The following PCDH11Y variants were observed in gnomAD, a reference collection of about 807,000 sequenced individuals.
PCDH11Y encodes protocadherin-11 Y-linked.
For missense variants in PCDH11Y, 12 were observed against 224.8 expected, an observed-to-expected ratio of 0.05 and a Z score of 6.05; for synonymous variants, 9 against 83.6, an observed-to-expected ratio of 0.11 and a Z score of 4.87.
chrY:5,449,884 G>A (rs397833246), intron 2 of PCDH11Y, among the ~76,000 whole-genome samples: 1 of 33,664 alleles, frequency 3.0e-5, no homozygotes, highest in African/African-American at 1.1e-4. Context: ...ATACTACAAT[G>A]AGGTCATTAA....
chrY:5,537,433 T>C (rs2053401714), intron 3 of PCDH11Y, among the ~76,000 whole-genome samples: 1 of 32,037 alleles, frequency 3.1e-5, no homozygotes, highest in Non-Finnish European at 7.6e-5. Flanking sequence ...TTTAAAGGCT[T>C]TCCTATGATG....
intron 1 of PCDH11Y, among the ~76,000 whole-genome samples, chrY:5,070,020 T>C (rs2052697196): frequency 3.0e-5 from 1 of 33,432 alleles, no homozygotes; most frequent in African/African-American, 1.2e-4. Context: ...GCTGTTTTTC[T>C]CCATTCATCA....
intron 4 of PCDH11Y, among the ~76,000 whole-genome samples, chrY:5,677,025 G>GA (rs2053554226): frequency 6.4e-5 from 2 of 31,467 alleles, no homozygotes; most frequent in Non-Finnish European, 1.5e-4. Flanking sequence ...ACAGTGACAT[G>GA]AAAAAAAAAC....
At chrY:5,489,741 T>C in intron 2 of PCDH11Y, among the ~76,000 whole-genome samples, 1 of 33,335 alleles carries the variant, frequency 3.0e-5, no homozygotes, top group African/African-American at 1.2e-4. Context: ...TTTAGAAAGA[T>C]ATTTTTGTGT....
chrY:5,623,529 T>C, intron 4 of PCDH11Y, among the ~76,000 whole-genome samples: 1 of 31,320 alleles, frequency 3.2e-5, no homozygotes, highest in Non-Finnish European at 7.7e-5. Context: ...TACTTGTAAG[T>C]GAGAACATGT....
In PCDH11Y at chrY:5,142,296, A is replaced by T. The variant is rs2052852407; in HGVS notation, c.3129+41589A>T. 2.4e-4 allele frequency among the ~76,000 whole-genome samples: 8 copies of T among 32,872 alleles called. No individual in the cohort carries two copies. In the South Asian group the frequency reaches 4.1e-3, roughly 17 times the overall value. 88.2% of individuals were successfully genotyped at this position (32,872 alleles called of 37,273 possible). On this transcript the variant is annotated intron_variant, in intron 2 of 4. Coordinates refer to the PCDH11Y transcript ENST00000400457. ...TTATGGGTTTGTGTGTGCAGTTTTTAAAAAAAATTTATGAGCACATGATAA... is the reference window on the plus strand; with the variant it reads ...TTATGGGTTTGTGTGTGCAGTTTTTTAAAAAAATTTATGAGCACATGATAA...
At chrY:5,612,605 A>G in intron 4 of PCDH11Y, among the ~76,000 whole-genome samples, 1 of 32,690 alleles carries the variant, frequency 3.1e-5, no homozygotes, top group Non-Finnish European at 7.5e-5. Context: ...TTCTCTGACT[A>G]CAATAAAGTA....
Position 5,321,343 on chromosome Y carries a change from A to G in PCDH11Y, c.3130-179714A>G, listed in dbSNP as rs2053112484. 3.0e-4 allele frequency among the ~76,000 whole-genome samples: 10 copies of G among 32,974 alleles called. No homozygotes were observed. The South Asian group carries it at 6.9e-3, about 23-fold the overall frequency. 88.5% of individuals were successfully genotyped at this position (32,974 alleles called of 37,273 possible). ...CACCCCCATGATTCAAATATCTCCC[A>G]CTGGATCACTCCCACAACATGTGGG... is the stretch of plus-strand genomic sequence containing the variant. On this transcript the variant is annotated intron_variant, in intron 2 of 4. Coordinates refer to the PCDH11Y transcript ENST00000400457.
intron 2 of PCDH11Y, among the ~76,000 whole-genome samples, chrY:5,402,166 G>A: frequency 3.1e-5 from 1 of 32,431 alleles, no homozygotes; most frequent in Non-Finnish European, 7.5e-5. Flanking sequence ...ACGAGATCTG[G>A]TTGTCTGAAA....
intron 2 of PCDH11Y, among the ~76,000 whole-genome samples, chrY:5,482,240 G>A (rs2053327721): frequency 1.6e-4 from 5 of 31,593 alleles, no homozygotes; most frequent in Admixed American, 1.1e-3. Context: ...CTCGTGATCC[G>A]CCCGCCTCAG....
At chrY:5,179,081 T>A (rs2052897079) in intron 2 of PCDH11Y, among the ~76,000 whole-genome samples, 1 of 33,202 alleles carries the variant, frequency 3.0e-5, no homozygotes, top group Non-Finnish European at 7.4e-5. Context: ...AGTGCTGCAA[T>A]GAACAGAGGC....
At chrY:5,358,486 A>G in intron 2 of PCDH11Y, among the ~76,000 whole-genome samples, 2 of 32,668 alleles carry the variant, frequency 6.1e-5, no homozygotes, top group Non-Finnish European at 1.5e-4. Context: ...TGGTAGGGGT[A>G]CCGCTTGGTT....
intron 1 of PCDH11Y, among the ~76,000 whole-genome samples, chrY:5,024,009 A>T: frequency 9.0e-5 from 3 of 33,206 alleles, no homozygotes; most frequent in Non-Finnish European, 2.2e-4. Flanking sequence ...TTTCCTGCAC[A>T]TTTAGTTTTG....
chrY:5,403,981 T>C (rs2053236209), intron 2 of PCDH11Y, among the ~76,000 whole-genome samples: 1 of 33,321 alleles, frequency 3.0e-5, no homozygotes, highest in Admixed American at 2.8e-4. Context: ...AAAATCCAAC[T>C]ATGTTTTTAC....
At chrY:5,160,852 A>G in intron 2 of PCDH11Y, among the ~76,000 whole-genome samples, 2 of 32,772 alleles carry the variant, frequency 6.1e-5, no homozygotes, top group African/African-American at 1.2e-4. Flanking sequence ...AAATAAGCCT[A>G]TCTAAAGAGT....
intron 1 of PCDH11Y, among the ~76,000 whole-genome samples, chrY:5,026,677 AC>A (rs1474835311): frequency 3.0e-5 from 1 of 33,327 alleles, no homozygotes; most frequent in Non-Finnish European, 7.4e-5. Context: ...ATACAAAAAA[AC>A]ATACAAGTTT....
rs201589643 is a variant in PCDH11Y, at chrY:5,084,762, C to T, written c.637-13453C>T. ...TGAAACCTTTATCATTATATACTGA[C>T]TTTCTCTCTTCTTAATTGCTTTTGT... On this transcript the variant is annotated intron_variant, in intron 1 of 1. Transcript: ENST00000215473. 1.8e-3 allele frequency among the ~76,000 whole-genome samples: 59 copies of T among 32,953 alleles called. No individual in the cohort carries two copies. In the East Asian group the frequency reaches 0.045, roughly 25 times the overall value. 88.4% of individuals were successfully genotyped at this position (32,953 alleles called of 37,273 possible).
chrY:5,687,462 G>A (rs2053564385), intron 4 of PCDH11Y, among the ~76,000 whole-genome samples: 1 of 31,305 alleles, frequency 3.2e-5, no homozygotes, highest in African/African-American at 1.3e-4. Flanking sequence ...AAATTAGCCC[G>A]GCGTGGTGGC....
At chrY:5,729,735 G>C in intron 4 of PCDH11Y, among the ~76,000 whole-genome samples, 1 of 32,721 alleles carries the variant, frequency 3.1e-5, no homozygotes, top group Admixed American at 2.8e-4. Context: ...GTTCCTTCTA[G>C]AATTCTTACA....
Sources: gnomAD v4.1 joint callset for allele counts (sites outside exome capture counted in the v4.1 genomes callset) on GRCh38, gnomAD v4.1.1 for gene constraint, MANE v1.5 for transcripts, NCBI Gene and HGNC (gene_info 2026-07-23, HGNC 2026-07-21) for gene names.